Variants in NCOA6 observed in about 807,000 individuals in gnomAD.
The protein encoded by NCOA6 is nuclear receptor coactivator 6, also known as NRC RAP250.
NCOA6 carries 49 observed loss-of-function variants against 171.4 expected under a neutral mutation model. That is an observed-to-expected ratio of 0.29 (90% CI 0.23 to 0.36). The LOEUF (loss-of-function observed/expected upper bound fraction) is 0.36. NCOA6 is among the 10% of genes least tolerant of loss of function. The probability of loss-of-function intolerance (pLI) is 1.00; values close to 1 mark genes in which losing one functional copy is unlikely to be tolerated. For missense variants in NCOA6, 2,248 were observed against 2,554.5 expected, an observed-to-expected ratio of 0.88 and a Z score of 2.59; for synonymous variants, 910 against 927.5, an observed-to-expected ratio of 0.98 and a Z score of 0.34.
At chr20:34,775,913 A>C (rs1314245674) in intron 4 of NCOA6, among the ~76,000 whole-genome samples, 3 of 152,194 alleles carry the variant, frequency 2.0e-5, no homozygotes, top group Non-Finnish European at 4.4e-5. Flanking sequence ...GTTTGAGTCC[A>C]GCCTGGGCAA....
At position 34,750,258 on chromosome 20, in the gene NCOA6, T is replaced by C. The variant is rs745428653; in HGVS notation, c.1937A>G (p.Asn646Ser). 1 of 1,611,346 alleles carries C rather than the reference T, an allele frequency of 6.2e-7. No individual in the cohort carries two copies. Among genetic ancestry groups the C allele is most frequent in the South Asian group, 1.1e-5 (1 of 90,804 alleles). Reference sequence around the variant, plus strand: ...CTGGGCCCTTGAAAGGATCATAGGGTTCTGAGGGTTCAAGGTTCCTTGTTG... The same window carrying C: ...CTGGGCCCTTGAAAGGATCATAGGGCTCTGAGGGTTCAAGGTTCCTTGTTG... ...VQQQGTLNPQ[N>S]PMILSRAQLM... is the part of the protein sequence containing the mutation. The change falls in exon 9 of 15, where the codon AAC becomes AGC. Residue 646 changes from asparagine to serine, a missense_variant. Around this residue, in one of 7 missense-constraint regions of NCOA6, gnomAD observed 987 missense variants for 1,104.7 expected, o/e 0.89. Coordinates refer to ENST00000359003, the MANE Select transcript of NCOA6 (RefSeq NM_014071.5).
At chr20:34,788,581 C>G (rs2077760807) in intron 2 of NCOA6, among the ~76,000 whole-genome samples, 1 of 152,162 alleles carries the variant, frequency 6.6e-6, no homozygotes. Flanking sequence ...TCAATTTGGT[C>G]TGGTGTTCAA....
intron 1 of NCOA6, among the ~76,000 whole-genome samples, chr20:34,801,814 G>A (rs917527628): frequency 2.2e-4 from 34 of 152,008 alleles, no homozygotes; most frequent in African/African-American, 7.2e-4. Flanking sequence ...GCAATGAGCC[G>A]AGATTGCATC....
chr20:34,764,748 T>C (rs926291094), intron 5 of NCOA6, among the ~76,000 whole-genome samples: 4 of 152,082 alleles, frequency 2.6e-5, no homozygotes, highest in Non-Finnish European at 5.9e-5. Context: ...CTAATGTTTA[T>C]CTGTTGAAAC....
chr20:34,721,236 TACAA>T (rs1989279528), intron 14 of NCOA6, among the ~76,000 whole-genome samples: 2 of 9,764 alleles, frequency 2.0e-4, no homozygotes, highest in African/African-American at 1.0e-3. Flanking sequence ...TCTTCCTCTA[TACAA>T]AAAAAAAAAA....
chr20:34,797,209 A>G (rs534752690), intron 1 of NCOA6, among the ~76,000 whole-genome samples: 1 of 152,260 alleles, frequency 6.6e-6, no homozygotes, highest in African/African-American at 2.4e-5. Context: ...CAGCTCCGGG[A>G]AAGACTCCTT....
At chr20:34,768,411 A>G in intron 5 of NCOA6, 53 bp downstream of exon 5, 1 of 1,604,908 alleles carries the variant, frequency 6.2e-7, no homozygotes, top group Non-Finnish European at 8.5e-7. Context: ...ATGATCAAAT[A>G]AGCCAAAAAA....
intron 3 of NCOA6, among the ~76,000 whole-genome samples, chr20:34,778,431 AT>A (rs746819072): frequency 3.4e-3 from 478 of 141,222 alleles, no homozygotes; most frequent in African/African-American, 7.9e-3. Flanking sequence ...GAGACGTTCA[AT>A]TTTTTTTTTT....
Position 34,749,440 on chromosome 20 carries a change from G to A in NCOA6, c.2755C>T (p.Pro919Ser), listed in dbSNP as rs753494458. 3.1e-6 allele frequency: 5 copies of A among 1,612,034 alleles called. No individual in the cohort carries two copies. The African/African-American group carries it at 6.7e-5, about 22-fold the overall frequency. ...TNANKPKKKK[P>S]PRKKKNSQQD... is the part of the protein sequence containing the mutation. ...TGACTATTTTTCTTCTTCCGAGGGG[G>A]TTTCTTCTTCTTCGGTTTATTTGCG... Residue 919 changes from proline to serine, a missense_variant, in exon 9 of 15, where the codon CCC becomes TCC. Pro to Ser is a moderately conservative substitution (Grantham distance 74, BLOSUM62 -1). Coordinates refer to ENST00000359003, the MANE Select transcript of NCOA6 (RefSeq NM_014071.5).
chr20:34,797,876 A>G (rs2078129895), intron 1 of NCOA6, among the ~76,000 whole-genome samples: 1 of 152,138 alleles, frequency 6.6e-6, no homozygotes, highest in Admixed American at 6.5e-5. Flanking sequence ...CCTGGGAGAC[A>G]GAGCTTCCAG....
intron 8 of NCOA6, 104 bp downstream of exon 8, chr20:34,754,618 G>T: frequency 7.5e-7 from 1 of 1,328,226 alleles, no homozygotes; most frequent in Non-Finnish European, 1.0e-6. Context: ...TGAAATTAAG[G>T]GGAGAGACCA....
intron 4 of NCOA6, among the ~76,000 whole-genome samples, chr20:34,775,672 C>CAAAAAAAAAAAAAAA (rs570763953): frequency 2.6e-5 from 2 of 77,562 alleles, no homozygotes; most frequent in Non-Finnish European, 5.1e-5. Flanking sequence ...GACTCTGTCT[C>CAAAAAAAAAAAAAAA]AAAAAAAAAA....
rs1247195711 is a variant in NCOA6 at position 34,741,308 on chromosome 20, T to C, written c.4948A>G (p.Asn1650Asp). ...GGTGTAATGAACTGAGGCCGGGCAT[T>C]AGACTGAGCAGCTGACTGTCCCTCA... ...VSEGQSAAQS[N>D]ARPQFITPVF... The change falls in exon 11 of 15, where the codon AAT becomes GAT. Residue 1650 changes from asparagine (N) to aspartate (D), a missense_variant. Asn to Asp is a conservative substitution (Grantham distance 23, BLOSUM62 1). This residue lies in a region of NCOA6 where 884 missense variants were observed against 941.9 expected (regional missense o/e 0.94). Coordinates refer to ENST00000359003, the MANE Select transcript of NCOA6 (RefSeq NM_014071.5). 6.2e-7 allele frequency: 1 copy of C among 1,614,054 alleles called. No homozygotes were observed. The highest frequency in any genetic ancestry group is 8.5e-7 in the Non-Finnish European group (1 of 1,180,048).
At chr20:34,731,300 G>A (rs185270012) in intron 13 of NCOA6, among the ~76,000 whole-genome samples, 103 of 152,314 alleles carry the variant, frequency 6.8e-4, no homozygotes, top group African/African-American at 2.3e-3. Context: ...GATTACAGGC[G>A]TGAGCCACTG....
rs141986882 is a variant in NCOA6 at position 34,736,887 on chromosome 20, C to T, written c.5894-129G>A. The T allele has an allele frequency of 2.9e-3, 2,093 of 713,118 alleles. 4 individuals carry two copies. Among genetic ancestry groups the T allele is most frequent in the Non-Finnish European group, 3.4e-3 (1,551 of 461,984 alleles). 44.2% of individuals were successfully genotyped at this position (713,118 alleles called of 1,614,324 possible). ...CTTAGAGGGCAGTACTCAAAATTGG[C>T]CTCGAAATTACAAGTACATTTTAAA... is the stretch of plus-strand genomic sequence containing the variant. On this transcript the variant is annotated intron_variant, in intron 11 of 14. Transcript: ENST00000359003.
At position 34,758,909 on chromosome 20, in the gene NCOA6, G is replaced by A; in HGVS notation, c.539C>T (p.Ala180Val). Residue 180 changes from alanine to valine, a missense_variant, in exon 6 of 15, where the codon GCC becomes GTC. By Grantham distance (64) the Ala-to-Val change is moderately conservative (BLOSUM62 0). Coordinates refer to ENST00000359003, the MANE Select transcript of NCOA6 (RefSeq NM_014071.5). ...TCCACCCGGGGGTATCATAACAGTGGCAGGGTTGTTCATCCTTATTATTCC... is the reference window on the plus strand; with the variant it reads ...TCCACCCGGGGGTATCATAACAGTGACAGGGTTGTTCATCCTTATTATTCC... ...GPGIIRMNNP[A>V]TVMIPPGGNV... 1 of 1,613,782 alleles carries A rather than the reference G, an allele frequency of 6.2e-7. No homozygotes were observed. Among genetic ancestry groups the A allele is most frequent in the East Asian group, 2.2e-5 (1 of 44,874 alleles).
intron 14 of NCOA6, among the ~76,000 whole-genome samples, chr20:34,719,206 G>A (rs1245091767): frequency 6.6e-6 from 1 of 152,158 alleles, no homozygotes; most frequent in Non-Finnish European, 1.5e-5. Context: ...TACAGTACAA[G>A]GCTCTACTTA....
intron 1 of NCOA6, chr20:34,809,334 G>A (rs940746030): frequency 2.5e-6 from 1 of 395,120 alleles, no homozygotes; most frequent in Non-Finnish European, 4.5e-6. Flanking sequence ...ATACCCTATG[G>A]ACATTAGGAT....
At chr20:34,752,821 A>T (rs998950905) in intron 8 of NCOA6, among the ~76,000 whole-genome samples, 14 of 151,468 alleles carry the variant, frequency 9.2e-5, no homozygotes, top group African/African-American at 3.4e-4. Flanking sequence ...AAGCTGAAAC[A>T]GAAAAACGCT....
Sources: gnomAD v4.1 joint callset for allele counts (sites outside exome capture counted in the v4.1 genomes callset) on GRCh38, gnomAD v4.1.1 for gene constraint, gnomAD v4.1.1 regional missense constraint, MANE v1.5 for transcripts, NCBI Gene and HGNC (gene_info 2026-07-23, HGNC 2026-07-21) for gene names.